MBD5: variants seen among roughly 807,000 people sequenced by gnomAD.
MBD5 encodes methyl-CpG-binding domain protein 5.
Under a neutral mutation model 117.3 loss-of-function variants are expected in MBD5, and 13 were observed. The ratio of observed to expected loss-of-function variants is 0.11; its 90% CI spans 0.07 to 0.18. The LOEUF (loss-of-function observed/expected upper bound fraction) is 0.18, where lower values mean the gene tolerates loss of function less well. MBD5 is among the 10% of genes least tolerant of loss of function. The probability of loss-of-function intolerance (pLI) is 1.00; values close to 1 mark genes in which losing one functional copy is unlikely to be tolerated. For synonymous variants in MBD5, 727 were observed against 766.4 expected (o/e 0.95, Z 0.85); for missense variants, 1,879 against 2,093.8 (o/e 0.90, Z 2.00).
chr2:148,373,010 T>C (rs1426488599), intron 4 of MBD5, among the ~76,000 whole-genome samples: 2 of 152,166 alleles, frequency 1.3e-5, no homozygotes, highest in African/African-American at 2.4e-5. Context: ...TCTTTTCTTT[T>C]GGTTACATGC....
chr2:148,458,909 G>A (rs774044970), intron 5 of MBD5, 38 bp downstream of exon 5: 4 of 1,507,894 alleles, frequency 2.7e-6, no homozygotes, highest in Non-Finnish European at 3.7e-6. Flanking sequence ...CTGCAAAGTT[G>A]TACTCCAAAG....
intron 5 of MBD5, chr2:148,460,274 A>G (rs1707027772): frequency 6.6e-6 from 1 of 152,142 alleles, no homozygotes; most frequent in South Asian, 2.1e-4. Flanking sequence ...CTGGGAGTCA[A>G]AAACCAAGTT....
rs141862040 is a variant in MBD5, at chr2:148,381,027, G to T, written c.-557+38691G>T. On this transcript the variant is annotated intron_variant, in intron 4 of 13. Coordinates refer to ENST00000642680, the MANE Select transcript of MBD5 (RefSeq NM_001378120.1). ...AAACCACAAAGATGGGGAAAAAACA[G>T]AGCAGAAAAACCAGAAACTCAAAAT... Among the ~76,000 whole-genome samples the T allele has an allele frequency of 7.3e-3, 1,115 of 152,218 alleles. 5 individuals are homozygous for T. Among genetic ancestry groups the T allele is most frequent in the Non-Finnish European group, 0.012 (824 of 68,006 alleles).
intron 4 of MBD5, among the ~76,000 whole-genome samples, chr2:148,415,374 C>T (rs1294435735): frequency 6.6e-6 from 1 of 152,122 alleles, no homozygotes; most frequent in African/African-American, 2.4e-5. Context: ...GGTGACCTGC[C>T]TCTTCTCTCT....
intron 1 of MBD5, among the ~76,000 whole-genome samples, chr2:148,090,451 T>C (rs1695908157): frequency 6.6e-6 from 1 of 152,080 alleles, no homozygotes; most frequent in African/African-American, 2.4e-5. Context: ...AACAGAATAC[T>C]AGCAAACCGA....
chr2:148,438,449 GC>G (rs1458346153), intron 4 of MBD5, among the ~76,000 whole-genome samples: 3 of 152,140 alleles, frequency 2.0e-5, no homozygotes, highest in African/African-American at 7.2e-5. Context: ...TTATTAAGTA[GC>G]CTTGTACACT....
chr2:148,317,702 T>C (rs1034848868), intron 3 of MBD5, among the ~76,000 whole-genome samples: 1 of 151,306 alleles, frequency 6.6e-6, no homozygotes, highest in Non-Finnish European at 1.5e-5. Flanking sequence ...TGTGAAAACA[T>C]GCAGCATTTT....
intron 3 of MBD5, among the ~76,000 whole-genome samples, chr2:148,237,324 G>A (rs750925445): frequency 1.4e-4 from 21 of 152,206 alleles, no homozygotes; most frequent in Admixed American, 2.6e-4. Context: ...CTTTTGACAT[G>A]TCTTCCTTAC....
intron 3 of MBD5, among the ~76,000 whole-genome samples, chr2:148,318,769 T>A (rs938177733): frequency 4.6e-5 from 7 of 152,212 alleles, no homozygotes; most frequent in African/African-American, 1.7e-4. Flanking sequence ...CAGGCTGAAG[T>A]GCAGTGGTGC....
chr2:148,138,442 A>G (rs1001569462), intron 1 of MBD5, among the ~76,000 whole-genome samples: 37 of 152,252 alleles, frequency 2.4e-4, no homozygotes, highest in African/African-American at 8.9e-4. Context: ...ATTCATTTGG[A>G]ATAAATCTTA....
chr2:148,442,501 T>C (rs67081781), intron 4 of MBD5, among the ~76,000 whole-genome samples: 37,014 of 150,888 alleles, frequency 0.25, 5,806 homozygotes, highest in African/African-American at 0.39. Context: ...TTGTAAAAAA[T>C]AGACTATGTT....
At chr2:148,439,129 T>G (rs934743396) in intron 4 of MBD5, among the ~76,000 whole-genome samples, 7 of 152,166 alleles carry the variant, frequency 4.6e-5, no homozygotes, top group Middle Eastern at 3.2e-3. Context: ...GACGTACAAG[T>G]GAAAATCACT....
chr2:148,455,356 C>A (rs1159740235), intron 4 of MBD5, among the ~76,000 whole-genome samples: 4 of 152,098 alleles, frequency 2.6e-5, no homozygotes, highest in African/African-American at 9.7e-5. Flanking sequence ...GCTGTAAAAC[C>A]AGCCTTTTCT....
intron 3 of MBD5, among the ~76,000 whole-genome samples, chr2:148,298,675 C>T (rs933330197): frequency 1.3e-5 from 2 of 152,130 alleles, no homozygotes; most frequent in African/African-American, 4.8e-5. Flanking sequence ...TCAGAAGGAA[C>T]TTTATTACTG....
At position 148,466,723 on chromosome 2, in the gene MBD5, T is replaced by C. The variant is rs983592371; in HGVS notation, c.398-1618T>C. The stretch of plus-strand genomic sequence containing the variant: ...ACTGCAATTCTCTCATATCATTGGA[T>C]CTCAACTTTTCATATATTATATCCA... On this transcript the variant is annotated intron_variant, in intron 7 of 13. Transcript: ENST00000642680. Among the ~76,000 whole-genome samples the C allele has an allele frequency of 2.0e-5, 3 of 152,176 alleles. No homozygotes were observed. The East Asian group carries it at 5.8e-4, about 29-fold the overall frequency.
At chr2:148,479,848 TCTC>T (rs1226993597) in intron 8 of MBD5, among the ~76,000 whole-genome samples, 1 of 151,986 alleles carries the variant, frequency 6.6e-6, no homozygotes, top group Non-Finnish European at 1.5e-5. Context: ...TTTATAGTGG[TCTC>T]CTTATTATAC....
chr2:148,349,797 G>A (rs1358432503), intron 4 of MBD5, among the ~76,000 whole-genome samples: 1 of 151,950 alleles, frequency 6.6e-6, no homozygotes, highest in Non-Finnish European at 1.5e-5. Context: ...GAGAAAATTT[G>A]TTCTCTTAAA....
At chr2:148,376,853 T>A in intron 4 of MBD5, among the ~76,000 whole-genome samples, 1 of 140,958 alleles carries the variant, frequency 7.1e-6, no homozygotes, top group East Asian at 2.0e-4. Context: ...AATTATATAT[T>A]ATAATCATAT....
At chr2:148,141,620 A>G (rs1383894460) in intron 1 of MBD5, among the ~76,000 whole-genome samples, 2 of 152,096 alleles carry the variant, frequency 1.3e-5, no homozygotes, top group Non-Finnish European at 2.9e-5. Context: ...GAAATACAAA[A>G]TATGATAACA....
Sources: gnomAD v4.1 joint callset for allele counts (sites outside exome capture counted in the v4.1 genomes callset) on GRCh38, gnomAD v4.1.1 for gene constraint, MANE v1.5 for transcripts, NCBI Gene and HGNC (gene_info 2026-07-23, HGNC 2026-07-21) for gene names.